IL21R: variants seen among roughly 807,000 people sequenced by gnomAD.
IL21R encodes interleukin-21 receptor.
Under a neutral mutation model 41.3 loss-of-function variants are expected in IL21R, and 14 were observed. The ratio of observed to expected loss-of-function variants is 0.34; its 90% CI spans 0.22 to 0.53. The LOEUF is 0.53. Ranked by LOEUF, IL21R falls within the 20% of genes least tolerant of loss-of-function variation. The pLI, the probability that IL21R is intolerant of heterozygous loss-of-function variation, is 0.94. For synonymous variants in IL21R, 286 were observed against 287.6 expected (o/e 0.99, Z 0.05); for missense variants, 588 against 681.6 (o/e 0.86, Z 1.53).
rs1208816601 is a variant in IL21R at position 27,450,757 on chromosome 16, A to AT, written c.*1479dup. On this transcript the variant is annotated 3_prime_UTR_variant, in exon 9 of 9. Transcript: ENST00000337929. ...ACCACCACGCCTGGCTAATTTTTGT[A>AT]TTTTTAGTAGAGCTGGGGCCACCCT... 1 of 223,324 alleles carries AT rather than the reference A, an allele frequency of 4.5e-6. No individual in the cohort carries two copies. The highest frequency in any genetic ancestry group is 5.8e-5 in the Admixed American group (1 of 17,370). 13.8% of individuals were successfully genotyped at this position (223,324 alleles called of 1,614,324 possible). A position where few individuals can be genotyped will look rare whatever the true frequency, so the allele number is the denominator to read the frequency against.
chr16:27,449,733 GT>G lies in IL21R; in HGVS notation c.*451del. 1 of 243,696 alleles carries G rather than the reference GT, an allele frequency of 4.1e-6. No homozygotes were observed. The allele number at this position is 243,696 out of a possible 1,614,324, so 15.1% of individuals were successfully genotyped here. ...GCTTTGTGGGATCAGGGCATTGCCT[GT>G]GACTGAGGCGGAGCCCAGCCCTCCA... is the stretch of plus-strand genomic sequence containing the variant. On this transcript the variant is annotated 3_prime_UTR_variant, in exon 9 of 9. Transcript: ENST00000337929.
intron 3 of IL21R, 114 bp downstream of exon 3, chr16:27,434,563 C>T (rs894282728): frequency 1.4e-6 from 1 of 692,228 alleles, no homozygotes. Flanking sequence ...TTCAGACAAC[C>T]ACTCAGGGCT....
chr16:27,439,406 C>CACATAT (rs1168860702), intron 4 of IL21R, among the ~76,000 whole-genome samples: 2 of 151,838 alleles, frequency 1.3e-5, no homozygotes, highest in Non-Finnish European at 2.9e-5. Context: ...CACACACTCA[C>CACATAT]ACATATACTC....
intron 1 of IL21R, among the ~76,000 whole-genome samples, chr16:27,414,963 A>G (rs1246899058): frequency 6.6e-6 from 1 of 152,204 alleles, no homozygotes; most frequent in African/African-American, 2.4e-5. Flanking sequence ...AGCCCCTATC[A>G]TTGCAACATG....
chr16:27,440,282 GAGCA>G (rs1385898232), intron 4 of IL21R, among the ~76,000 whole-genome samples: 25 of 120,340 alleles, frequency 2.1e-4, no homozygotes, highest in African/African-American at 4.9e-4. Context: ...GAGAGAGAGC[GAGCA>G]AGCGCGCGCC....
intron 6 of IL21R, among the ~76,000 whole-genome samples, 199 bp from the exon 7 acceptor site, chr16:27,444,978 C>T (rs1019973456): frequency 1.8e-4 from 28 of 152,178 alleles, no homozygotes; most frequent in African/African-American, 6.8e-4. Flanking sequence ...AACTTAGGCT[C>T]AGAGAAATGA....
chr16:27,416,779 T>G (rs912242287), intron 1 of IL21R, among the ~76,000 whole-genome samples: 2 of 152,110 alleles, frequency 1.3e-5, no homozygotes, highest in African/African-American at 4.8e-5. Context: ...CTATCCCCCC[T>G]CCCCTCAGCC....
chr16:27,440,299 G>C (rs1472928576), intron 4 of IL21R, among the ~76,000 whole-genome samples: 2 of 129,262 alleles, frequency 1.5e-5, no homozygotes, highest in South Asian at 2.3e-4. Context: ...CGCGCGCCAG[G>C]GTGTAGCTTT....
chr16:27,428,087 C>T (rs971035605), intron 1 of IL21R, among the ~76,000 whole-genome samples: 5 of 152,070 alleles, frequency 3.3e-5, no homozygotes, highest in Admixed American at 2.6e-4. Flanking sequence ...ATTCTGAGAC[C>T]CCCTCTGTTT....
At chr16:27,441,133 CA>C (rs1201440556) in intron 4 of IL21R, among the ~76,000 whole-genome samples, 14 of 148,246 alleles carry the variant, frequency 9.4e-5, no homozygotes, top group Non-Finnish European at 1.5e-5. Flanking sequence ...GGAAGGAGAA[CA>C]AAAAAAGAAA....
chr16:27,443,248 C>T, intron 5 of IL21R, 132 bp downstream of exon 5: 5 of 728,788 alleles, frequency 6.9e-6, no homozygotes, highest in Non-Finnish European at 1.1e-5. Context: ...GGCACGAGCA[C>T]TCCCTTACAG....
intron 4 of IL21R, among the ~76,000 whole-genome samples, chr16:27,439,075 G>A (rs2087325426): frequency 6.6e-6 from 1 of 152,120 alleles, no homozygotes; most frequent in Non-Finnish European, 1.5e-5. Flanking sequence ...AGAGGGGCTG[G>A]GGTATAAGAG....
intron 1 of IL21R, among the ~76,000 whole-genome samples, chr16:27,417,365 C>G (rs961295204): frequency 6.6e-6 from 1 of 152,030 alleles, no homozygotes; most frequent in Non-Finnish European, 1.5e-5. Context: ...TGAGGTCTTG[C>G]CATGTTACCC....
At chr16:27,440,908 A>G (rs1177366982) in intron 4 of IL21R, among the ~76,000 whole-genome samples, 2 of 151,834 alleles carry the variant, frequency 1.3e-5, no homozygotes, top group African/African-American at 2.4e-5. Context: ...AAAATTAGCC[A>G]GTCATGGTGG....
chr16:27,447,486 A>T (rs1464896626), intron 8 of IL21R, among the ~76,000 whole-genome samples: 2 of 151,992 alleles, frequency 1.3e-5, no homozygotes, highest in Non-Finnish European at 2.9e-5. Flanking sequence ...ATTCCTGGGG[A>T]TTTTCCTTGC....
rs57138211 is a variant in IL21R at position 27,419,816 on chromosome 16, TTTATTATTATTATTATTA to T, written c.-16-10220_-16-10203del. 2.1e-3 allele frequency among the ~76,000 whole-genome samples: 317 copies of T among 148,056 alleles called. 3 individuals are homozygous for T. Among genetic ancestry groups the T allele is most frequent in the African/African-American group, 4.6e-3 (184 of 40,102 alleles). On this transcript the variant is annotated intron_variant, in intron 1 of 8. Transcript: ENST00000337929. ...GTAAATACATACACCAGTAACATAG[TTTATTATTATTATTATTA>T]TTATTATTATTATTATTATCAAGCA... is the stretch of plus-strand genomic sequence containing the variant.
At chr16:27,437,165 C>CA (rs1414512419) in intron 3 of IL21R, among the ~76,000 whole-genome samples, 2 of 152,202 alleles carry the variant, frequency 1.3e-5, no homozygotes, top group African/African-American at 4.8e-5. Context: ...TTGGGACCAA[C>CA]AGGGACAGAT....
intron 1 of IL21R, chr16:27,427,179 TG>T: frequency 2.8e-6 from 1 of 354,394 alleles, no homozygotes; most frequent in Non-Finnish European, 4.0e-6. Flanking sequence ...GTCAGACAGA[TG>T]GGGTGTTTTG....
At position 27,414,172 on chromosome 16, in the gene IL21R, G is replaced by A. The variant is rs901239052; in HGVS notation, c.-17+11554G>A. ...ATAATGTTAGCTATGTATAGTGTGT[G>A]TGTGTGTGTGTGTGTGTGATCGTAA... On this transcript the variant is annotated intron_variant, in intron 1 of 8. Coordinates refer to ENST00000337929, the MANE Select transcript of IL21R (RefSeq NM_181078.3). Among the ~76,000 whole-genome samples, 4 of 151,536 alleles carry A rather than the reference G, an allele frequency of 2.6e-5. No individual in the cohort carries two copies. The South Asian group carries it at 8.4e-4, about 32-fold the overall frequency.
Sources: allele counts gnomAD v4.1 joint callset (sites outside exome capture counted in the v4.1 genomes callset), GRCh38; gene constraint gnomAD v4.1.1; transcripts MANE v1.5; gene names NCBI Gene and HGNC (gene_info 2026-07-23, HGNC 2026-07-21).